Variants in KIAA0825 observed in about 807,000 individuals in gnomAD.
KIAA0825 encodes KIAA0825.
In KIAA0825, 119 loss-of-function variants were observed where a neutral mutation model predicts 147.6. That is an observed-to-expected ratio of 0.81 (90% CI 0.69 to 0.94). The LOEUF is 0.94. KIAA0825 is among the 40% of genes least tolerant of loss of function. KIAA0825 has a pLI of 0.00. For synonymous variants in KIAA0825, 470 were observed against 518.1 expected (o/e 0.91, Z 1.26); for missense variants, 1,381 against 1,472.7 (o/e 0.94, Z 1.02).
At chr5:94,542,139 G>C (rs910787300) in intron 2 of KIAA0825, among the ~76,000 whole-genome samples, 6 of 152,240 alleles carry the variant, frequency 3.9e-5, no homozygotes, top group Non-Finnish European at 7.4e-5. Flanking sequence ...AGATGTTCTT[G>C]AATGCAGGTT....
chr5:94,456,346 C>T (rs1759108230), intron 12 of KIAA0825, among the ~76,000 whole-genome samples: 1 of 152,166 alleles, frequency 6.6e-6, no homozygotes, highest in African/African-American at 2.4e-5. Context: ...ACCTCTGAAG[C>T]TTCTCTGCTA....
chr5:94,238,355 T>C (rs1775170561), intron 20 of KIAA0825, among the ~76,000 whole-genome samples: 1 of 152,194 alleles, frequency 6.6e-6, no homozygotes, highest in Admixed American at 6.5e-5. Context: ...AACAAAATGA[T>C]TCAGTTTATA....
intron 2 of KIAA0825, among the ~76,000 whole-genome samples, chr5:94,575,281 CAGAG>C (rs926333875): frequency 1.3e-5 from 2 of 148,414 alleles, no homozygotes; most frequent in Admixed American, 1.4e-4. Context: ...GGCGAGACAA[CAGAG>C]AGAGGAAGAT....
chr5:94,473,543 T>C, intron 7 of KIAA0825, 24 bp from the exon 8 acceptor site: 1 of 1,397,470 alleles, frequency 7.2e-7, no homozygotes, highest in Non-Finnish European at 9.9e-7. Flanking sequence ...GTATATGAAG[T>C]CATGTTAATC....
At chr5:94,455,476 A>G (rs1169832517) in intron 12 of KIAA0825, among the ~76,000 whole-genome samples, 3 of 152,180 alleles carry the variant, frequency 2.0e-5, no homozygotes, top group Non-Finnish European at 4.4e-5. Flanking sequence ...TAGGTATAAA[A>G]GTAGACAATG....
intron 20 of KIAA0825, among the ~76,000 whole-genome samples, chr5:94,273,113 G>A (rs1415102065): frequency 1.3e-5 from 2 of 152,182 alleles, no homozygotes; most frequent in Non-Finnish European, 2.9e-5. Context: ...TCTTGTATAA[G>A]TAAGTTACTT....
At chr5:94,500,072 T>G (rs1764882046) in intron 5 of KIAA0825, among the ~76,000 whole-genome samples, 1 of 152,162 alleles carries the variant, frequency 6.6e-6, no homozygotes, top group Non-Finnish European at 1.5e-5. Flanking sequence ...CAGAGCTTTC[T>G]GTCAGTTCAG....
At chr5:94,522,316 A>G (rs929898397) in intron 4 of KIAA0825, among the ~76,000 whole-genome samples, 3 of 151,682 alleles carry the variant, frequency 2.0e-5, no homozygotes, top group African/African-American at 7.2e-5. Flanking sequence ...CTCTACTGCT[A>G]TTGAGTTATT....
At chr5:94,361,188 C>T (rs933179101) in intron 20 of KIAA0825, among the ~76,000 whole-genome samples, 2 of 152,076 alleles carry the variant, frequency 1.3e-5, no homozygotes, top group Non-Finnish European at 2.9e-5. Context: ...AGTGCTAAAA[C>T]CTTTTCATTT....
chr5:94,239,581 TA>T (rs1775244806), intron 20 of KIAA0825, among the ~76,000 whole-genome samples: 1 of 151,964 alleles, frequency 6.6e-6, no homozygotes, highest in African/African-American at 2.4e-5. Flanking sequence ...CTTACTCACC[TA>T]TTTCTACACG....
At chr5:94,503,937 G>A (rs1027235415) in intron 5 of KIAA0825, among the ~76,000 whole-genome samples, 1 of 152,186 alleles carries the variant, frequency 6.6e-6, no homozygotes, top group Non-Finnish European at 1.5e-5. Flanking sequence ...CACTGAAAGA[G>A]CATGCTGCAG....
intron 20 of KIAA0825, among the ~76,000 whole-genome samples, chr5:94,268,295 A>C (rs1452548646): frequency 3.3e-5 from 5 of 152,100 alleles, no homozygotes; most frequent in Non-Finnish European, 7.3e-5. Context: ...GAAAGTAGCC[A>C]GTTTACTAGC....
At chr5:94,305,164 T>C (rs1214619272) in intron 20 of KIAA0825, among the ~76,000 whole-genome samples, 1 of 152,050 alleles carries the variant, frequency 6.6e-6, no homozygotes, top group African/African-American at 2.4e-5. Flanking sequence ...GAATTTAAGT[T>C]TTCATAACAC....
chr5:94,312,235 G>C (rs1269365502), intron 20 of KIAA0825, among the ~76,000 whole-genome samples: 2 of 151,676 alleles, frequency 1.3e-5, no homozygotes, highest in African/African-American at 4.8e-5. Flanking sequence ...GTGTGTGTGT[G>C]TGTGCATAAA....
At chr5:94,512,947 AAG>A (rs1436122019) in intron 5 of KIAA0825, among the ~76,000 whole-genome samples, 15 of 152,164 alleles carry the variant, frequency 9.9e-5, no homozygotes, top group Non-Finnish European at 1.0e-4. Flanking sequence ...TAAGAGGGTA[AAG>A]CAGAAGCTGG....
At chr5:94,354,680 G>A (rs1166538604) in intron 20 of KIAA0825, among the ~76,000 whole-genome samples, 1 of 152,210 alleles carries the variant, frequency 6.6e-6, no homozygotes. Context: ...ACATTGTCAA[G>A]TCCTGCTATT....
At chr5:94,548,192 G>T (rs539318531) in intron 2 of KIAA0825, among the ~76,000 whole-genome samples, 1 of 152,146 alleles carries the variant, frequency 6.6e-6, no homozygotes, top group South Asian at 2.1e-4. Flanking sequence ...TGAATGAATT[G>T]AATAATAATT....
At chr5:94,297,364 T>A (rs1778182005) in intron 20 of KIAA0825, among the ~76,000 whole-genome samples, 1 of 152,260 alleles carries the variant, frequency 6.6e-6, no homozygotes, top group African/African-American at 2.4e-5. Flanking sequence ...TTCTTCTATA[T>A]GACTACTTGG....
Position 94,546,619 on chromosome 5 carries a change from T to C in KIAA0825, c.-1-9492A>G, listed in dbSNP as rs772258106. Among the ~76,000 whole-genome samples the C allele has an allele frequency of 1.4e-4, 22 of 152,068 alleles. 1 individual carries two copies. The highest frequency in any genetic ancestry group is 4.2e-4 in the South Asian group (2 of 4,800). On this transcript the variant is annotated intron_variant, in intron 2 of 20. Coordinates refer to ENST00000682413, the MANE Select transcript of KIAA0825 (RefSeq NM_001145678.3). ...TAATCTAGTGAATTCTCCTGGATCA[T>C]ATCAAAGATTACCAAGGTGGTACCT... is the stretch of plus-strand genomic sequence containing the variant.
Sources: allele counts gnomAD v4.1 joint callset (sites outside exome capture counted in the v4.1 genomes callset), GRCh38; gene constraint gnomAD v4.1.1; transcripts MANE v1.5; gene names NCBI Gene and HGNC (gene_info 2026-07-23, HGNC 2026-07-21).